The following MDGA2 variants were observed in gnomAD, a reference collection of about 807,000 sequenced individuals.
The protein encoded by MDGA2 is MAM domain containing glycosylphosphatidylinositol anchor 2.
A neutral mutation model predicts 117.8 loss-of-function variants in MDGA2; 40 were observed. The ratio of observed to expected loss-of-function variants is 0.34; its 90% confidence interval spans 0.26 to 0.44. The LOEUF (loss-of-function observed/expected upper bound fraction) is 0.44. Ranked by LOEUF, MDGA2 falls within the 20% of genes least tolerant of loss-of-function variation. The pLI is 1.00. For missense variants in MDGA2, 1,123 were observed against 1,250.6 expected (o/e 0.90, Z 1.54); for synonymous variants, 452 against 439.0 (o/e 1.03, Z -0.37).
At chr14:47,440,622 T>C (rs1350799354) in intron 1 of MDGA2, among the ~76,000 whole-genome samples, 7 of 152,052 alleles carry the variant, frequency 4.6e-5, no homozygotes, top group Non-Finnish European at 8.8e-5. Context: ...CATAAAGTAA[T>C]AAAGAAAAGC....
At chr14:47,025,987 G>C (rs201920493) in intron 8 of MDGA2, among the ~76,000 whole-genome samples, 1 of 152,244 alleles carries the variant, frequency 6.6e-6, no homozygotes, top group East Asian at 1.9e-4. Context: ...AAGTTTAAAA[G>C]CAGTGGAATC....
intron 14 of MDGA2, among the ~76,000 whole-genome samples, chr14:46,865,100 T>C (rs939384125): frequency 3.9e-5 from 6 of 152,090 alleles, no homozygotes; most frequent in Admixed American, 3.9e-4. Context: ...CATTTTGAAT[T>C]CTAATCAGAA....
At chr14:47,563,609 T>TTG (rs1895862088) in intron 1 of MDGA2, among the ~76,000 whole-genome samples, 3 of 119,504 alleles carry the variant, frequency 2.5e-5, no homozygotes, top group African/African-American at 3.7e-5. Flanking sequence ...TTTTTTTTTT[T>TTG]GCTTGGTAGA....
At chr14:47,208,273 T>C (rs1005952530) in intron 3 of MDGA2, among the ~76,000 whole-genome samples, 8 of 152,040 alleles carry the variant, frequency 5.3e-5, no homozygotes, top group African/African-American at 1.7e-4. Context: ...CCAGGTTTCC[T>C]TGAAACTGTT....
chr14:47,208,569 G>A (rs1885771844), intron 3 of MDGA2, among the ~76,000 whole-genome samples: 1 of 143,708 alleles, frequency 7.0e-6, no homozygotes, highest in Non-Finnish European at 1.5e-5. Flanking sequence ...GCAATACAGA[G>A]TTGACGGTAG....
At chr14:47,053,435 C>G (rs747619264) in intron 7 of MDGA2, among the ~76,000 whole-genome samples, 2 of 151,456 alleles carry the variant, frequency 1.3e-5, no homozygotes, top group Non-Finnish European at 2.9e-5. Flanking sequence ...TCTCTCAAAC[C>G]TTCTCACAAA....
intron 1 of MDGA2, among the ~76,000 whole-genome samples, chr14:47,326,758 G>T (rs974402086): frequency 1.3e-5 from 2 of 151,704 alleles, no homozygotes; most frequent in African/African-American, 4.8e-5. Flanking sequence ...AGAAATTCAG[G>T]GAAATTGGTT....
chr14:46,938,406 G>A (rs1158507472), intron 9 of MDGA2, among the ~76,000 whole-genome samples: 1 of 151,348 alleles, frequency 6.6e-6, no homozygotes, highest in Non-Finnish European at 1.5e-5. Flanking sequence ...GGGTGTAGTG[G>A]CGGGAGCCTA....
At chr14:46,869,155 A>G (rs1313089628) in intron 14 of MDGA2, among the ~76,000 whole-genome samples, 1 of 151,906 alleles carries the variant, frequency 6.6e-6, no homozygotes, top group East Asian at 1.9e-4. Flanking sequence ...TGTTTACTCC[A>G]TAGTGGAATT....
chr14:46,965,786 A>T (rs1886004096), intron 8 of MDGA2, among the ~76,000 whole-genome samples: 2 of 152,192 alleles, frequency 1.3e-5, no homozygotes, highest in Admixed American at 1.3e-4. Context: ...AAAAAGTTAG[A>T]GCTCACTATT....
Position 47,136,881 on chromosome 14 carries a change from AGAT to A in MDGA2, c.793-5038_793-5036del, listed in dbSNP as rs1465097472. Among the ~76,000 whole-genome samples the A allele has an allele frequency of 2.6e-5, 4 of 152,212 alleles. No homozygotes were observed. The East Asian group carries it at 7.7e-4, about 29-fold the overall frequency. On this transcript the variant is annotated intron_variant, in intron 4 of 16. Transcript: ENST00000399232. ...TTTACATTAGGGTAGCCTGCAAGATAGATTTATGAAGCTGCATTTGGGGCCACC... is the reference window on the plus strand; with the variant it reads ...TTTACATTAGGGTAGCCTGCAAGATATTATGAAGCTGCATTTGGGGCCACC...
chr14:47,668,184 T>C (rs1485317816), intron 1 of MDGA2, among the ~76,000 whole-genome samples: 1 of 152,130 alleles, frequency 6.6e-6, no homozygotes, highest in Non-Finnish European at 1.5e-5. Context: ...AATGTAAGAT[T>C]AGAAATGGCA....
chr14:47,286,824 T>TATATATATATATACAC (rs1491236673), intron 2 of MDGA2, among the ~76,000 whole-genome samples: 5 of 104,206 alleles, frequency 4.8e-5, no homozygotes, highest in South Asian at 5.4e-4. Flanking sequence ...TATATATATA[T>TATATATATATATACAC]ACATATATAT....
chr14:47,653,109 T>C (rs1897675311), intron 1 of MDGA2, among the ~76,000 whole-genome samples: 1 of 152,134 alleles, frequency 6.6e-6, no homozygotes, highest in Admixed American at 6.6e-5. Flanking sequence ...GAATCTTAGA[T>C]GGACAAGAAA....
At chr14:47,182,296 G>A (rs1335390257) in intron 3 of MDGA2, among the ~76,000 whole-genome samples, 1 of 152,010 alleles carries the variant, frequency 6.6e-6, no homozygotes, top group African/African-American at 2.4e-5. Context: ...TATAGACTAA[G>A]TTATGTACCC....
At chr14:47,430,807 T>C (rs187092749) in intron 1 of MDGA2, among the ~76,000 whole-genome samples, 3 of 152,210 alleles carry the variant, frequency 2.0e-5, no homozygotes, top group Admixed American at 6.6e-5. Flanking sequence ...AGTATAAGAA[T>C]TATCTAAATT....
intron 3 of MDGA2, 37 bp from the exon 4 acceptor site, chr14:47,144,311 G>T: frequency 6.8e-7 from 1 of 1,477,938 alleles, no homozygotes; most frequent in Non-Finnish European, 9.2e-7. Flanking sequence ...GCAATGTTAT[G>T]AGATAGATGA....
chr14:46,966,947 C>A (rs1273311469), intron 8 of MDGA2, among the ~76,000 whole-genome samples: 1 of 151,644 alleles, frequency 6.6e-6, no homozygotes, highest in Non-Finnish European at 1.5e-5. Flanking sequence ...GTAGTTCATG[C>A]ATTTTTTTGA....
intron 7 of MDGA2, among the ~76,000 whole-genome samples, chr14:47,041,291 A>C (rs1048825069): frequency 6.6e-6 from 1 of 152,230 alleles, no homozygotes; most frequent in African/African-American, 2.4e-5. Flanking sequence ...GAAAGAGGCA[A>C]TTTGAAGACA....
Sources: gnomAD v4.1 joint callset for allele counts (sites outside exome capture counted in the v4.1 genomes callset) on GRCh38, gnomAD v4.1.1 for gene constraint, MANE v1.5 for transcripts, NCBI Gene and HGNC (gene_info 2026-07-23, HGNC 2026-07-21) for gene names.